The following CHL1 variants were observed in gnomAD, a reference collection of about 807,000 sequenced individuals.
CHL1 encodes the protein neural cell adhesion molecule L1-like protein.
CHL1 carries 96 observed loss-of-function variants against 141.9 expected under a neutral mutation model. That is an observed-to-expected ratio of 0.68 (90% CI 0.57 to 0.80). The LOEUF (loss-of-function observed/expected upper bound fraction) is 0.80. Among genes scored for constraint, CHL1 ranks in the 30% least tolerant of loss-of-function variants. The pLI, the probability that CHL1 is intolerant of heterozygous loss-of-function variation, is 0.00. For missense variants in CHL1, 1,820 were observed against 1,457.2 expected, an observed-to-expected ratio of 1.25 and a Z score of -4.05; for synonymous variants, 613 against 502.2, an observed-to-expected ratio of 1.22 and a Z score of -2.95.
intron 1 of CHL1, among the ~76,000 whole-genome samples, chr3:219,637 C>A (rs1396904402): frequency 6.6e-6 from 1 of 152,130 alleles, no homozygotes; most frequent in Non-Finnish European, 1.5e-5. Context: ...TAAGTGGAAG[C>A]TAAGTGATGA....
intron 1 of CHL1, among the ~76,000 whole-genome samples, chr3:205,564 C>T (rs1190141250): frequency 1.3e-5 from 2 of 152,108 alleles, no homozygotes; most frequent in Non-Finnish European, 2.9e-5. Context: ...TGAACGTAGT[C>T]CTGGCCAAAG....
At chr3:240,581 T>C (rs1181205003) in intron 1 of CHL1, among the ~76,000 whole-genome samples, 1 of 152,252 alleles carries the variant, frequency 6.6e-6, no homozygotes, top group Non-Finnish European at 1.5e-5. Context: ...TTCATTTTGC[T>C]GAGCAGAAGC....
intron 15 of CHL1, among the ~76,000 whole-genome samples, chr3:370,641 C>T (rs1705511897): frequency 6.6e-6 from 1 of 151,132 alleles, no homozygotes; most frequent in South Asian, 2.1e-4. Context: ...CTCTTGTCTT[C>T]TGCTAGCTCT....
chr3:225,119 G>C (rs141181963), intron 1 of CHL1, among the ~76,000 whole-genome samples: 84 of 152,306 alleles, frequency 5.5e-4, no homozygotes, highest in African/African-American at 1.9e-3. Context: ...GAGTGACAGA[G>C]TGAGACTCTA....
chr3:361,885 G>A (rs1704288777), intron 13 of CHL1, 75 bp downstream of exon 13: 1 of 1,017,738 alleles, frequency 9.8e-7, no homozygotes, highest in Non-Finnish European at 1.6e-6. Flanking sequence ...TCCGTCATTT[G>A]ACAGGCTGTA....
intron 5 of CHL1, 25 bp downstream of exon 5, chr3:328,379 T>C: frequency 6.4e-7 from 1 of 1,567,784 alleles, no homozygotes. Flanking sequence ...GGGAATTTCA[T>C]TTTACAAGTG....
intron 2 of CHL1, among the ~76,000 whole-genome samples, chr3:246,211 G>T (rs2125117428): frequency 6.6e-6 from 1 of 152,164 alleles, no homozygotes; most frequent in Non-Finnish European, 1.5e-5. Context: ...TTAAAAAAGA[G>T]ATTATCATAC....
intron 22 of CHL1, among the ~76,000 whole-genome samples, chr3:391,372 C>T (rs1018471400): frequency 6.6e-6 from 1 of 151,990 alleles, no homozygotes; most frequent in Non-Finnish European, 1.5e-5. Context: ...AAAAATTAGC[C>T]AGATGTAGTA....
At chr3:371,795 G>T (rs1445163228) in intron 15 of CHL1, among the ~76,000 whole-genome samples, 2 of 152,102 alleles carry the variant, frequency 1.3e-5, no homozygotes, top group Non-Finnish European at 2.9e-5. Context: ...TTGCAAGGCA[G>T]GCCTGGTGGT....
chr3:281,329 A>G (rs79082781), intron 2 of CHL1, among the ~76,000 whole-genome samples: 2,140 of 152,264 alleles, frequency 0.014, 57 homozygotes, highest in African/African-American at 0.049. Context: ...CCAGGAGTAC[A>G]ATAGAAAGGG....
At chr3:317,246 A>G (rs755467394) in intron 2 of CHL1, among the ~76,000 whole-genome samples, 6 of 152,016 alleles carry the variant, frequency 3.9e-5, no homozygotes, top group Non-Finnish European at 7.4e-5. Context: ...CCATGCATTT[A>G]AAACGATTAA....
Position 401,682 on chromosome 3 carries a change from AC to A in CHL1, c.3444del (p.Phe1149LeufsTer32). 6.3e-7 allele frequency: 1 copy of A among 1,585,634 alleles called. No individual in the cohort carries two copies. On this transcript the variant is annotated frameshift_variant, in exon 27 of 28. Coordinates refer to ENST00000256509, the MANE Select transcript of CHL1 (RefSeq NM_006614.4). LOFTEE classifies it high-confidence loss of function. ...DPEIQSVKDE[T>X]FGEYSDSDEK... Reference sequence around the variant, plus strand: ...AGAAATTCAGTCAGTAAAAGATGAAACCTTTGGTGAATACAGGTAAACATAA... The same window carrying A: ...AGAAATTCAGTCAGTAAAAGATGAAACTTTGGTGAATACAGGTAAACATAA...
At chr3:276,847 C>T (rs1466352499) in intron 2 of CHL1, among the ~76,000 whole-genome samples, 1 of 143,102 alleles carries the variant, frequency 7.0e-6, no homozygotes, top group African/African-American at 2.6e-5. Flanking sequence ...CGAGATCATG[C>T]CACTGCACTC....
At chr3:358,049 T>C (rs1212464771) in intron 11 of CHL1, among the ~76,000 whole-genome samples, 1 of 152,216 alleles carries the variant, frequency 6.6e-6, no homozygotes, top group African/African-American at 2.4e-5. Context: ...AACAGGATTG[T>C]ATTAGTTTTC....
intron 11 of CHL1, among the ~76,000 whole-genome samples, chr3:358,814 A>G (rs1414773649): frequency 1.3e-5 from 2 of 151,952 alleles, no homozygotes; most frequent in African/African-American, 2.4e-5. Flanking sequence ...TATAGTCATT[A>G]TCTCGTATAA....
At chr3:365,691 G>T (rs956250279) in intron 14 of CHL1, among the ~76,000 whole-genome samples, 2 of 152,098 alleles carry the variant, frequency 1.3e-5, no homozygotes, top group Non-Finnish European at 2.9e-5. Flanking sequence ...CTTATACTTT[G>T]CTTACTCCCT....
chr3:389,825 G>A (rs1421821038), intron 20 of CHL1, among the ~76,000 whole-genome samples: 1 of 152,142 alleles, frequency 6.6e-6, no homozygotes, highest in Non-Finnish European at 1.5e-5. Context: ...TACTTGTCAA[G>A]GATCCCCTAA....
At chr3:363,607 G>T in intron 14 of CHL1, 1 of 394,964 alleles carries the variant, frequency 2.5e-6, no homozygotes, top group Non-Finnish European at 4.5e-6. Flanking sequence ...AGGCAGCCAG[G>T]TGTCTGTAGT....
At chr3:377,971 T>C (rs1239004108) in intron 16 of CHL1, 29 bp downstream of exon 16, 1 of 1,559,670 alleles carries the variant, frequency 6.4e-7, no homozygotes, top group Non-Finnish European at 8.7e-7. Context: ...GAGAAATCTG[T>C]TCATTTCTTC....
Sources: allele counts gnomAD v4.1 joint callset (sites outside exome capture counted in the v4.1 genomes callset), GRCh38; gene constraint gnomAD v4.1.1; transcripts MANE v1.5; gene names NCBI Gene and HGNC (gene_info 2026-07-23, HGNC 2026-07-21).